The following NLGN1 variants were observed in gnomAD, a reference collection of about 807,000 sequenced individuals.
The protein encoded by NLGN1 is neuroligin-1.
In NLGN1, 12 loss-of-function variants were observed where a neutral mutation model predicts 65.5. The ratio of observed to expected loss-of-function variants is 0.18; its 90% CI spans 0.12 to 0.30. The LOEUF (loss-of-function observed/expected upper bound fraction) is 0.30. NLGN1 is among the 10% of genes least tolerant of loss of function. NLGN1 has a pLI of 1.00. For synonymous variants in NLGN1, 350 were observed against 359.5 expected (o/e 0.97, Z 0.30); for missense variants, 750 against 1,007.1 (o/e 0.74, Z 3.46).
intron 4 of NLGN1, among the ~76,000 whole-genome samples, chr3:174,074,830 G>A (rs988383861): frequency 6.6e-6 from 1 of 152,152 alleles, no homozygotes; most frequent in Admixed American, 6.6e-5. Context: ...AAGTTAAGCA[G>A]TCCGTTACAC....
At chr3:174,043,811 GCAGTGTCC>G (rs1454741661) in intron 4 of NLGN1, among the ~76,000 whole-genome samples, 1 of 152,220 alleles carries the variant, frequency 6.6e-6, no homozygotes, top group Non-Finnish European at 1.5e-5. Flanking sequence ...GCTGCAGTAG[GCAGTGTCC>G]CCAGTGGGGA....
At chr3:173,458,032 A>G (rs1408223359) in intron 2 of NLGN1, among the ~76,000 whole-genome samples, 2 of 152,042 alleles carry the variant, frequency 1.3e-5, no homozygotes, top group African/African-American at 4.8e-5. Flanking sequence ...ACAGAGATGA[A>G]TTAAGGCCTG....
chr3:174,280,708 C>A lies in NLGN1; in HGVS notation c.1877C>A (p.Thr626Lys). ...GACATTTCTCAGTATACCTCTACAACAACTAAAGTGCCATCAACTGACATC... is the reference window on the plus strand; with the variant it reads ...GACATTTCTCAGTATACCTCTACAAAAACTAAAGTGCCATCAACTGACATC... The change falls in exon 7 of 7, where the codon ACA (threonine) becomes AAA (lysine). Residue 626 changes from threonine (T) to lysine (K), a missense_variant. By Grantham distance (78) the Thr-to-Lys change is moderately conservative. Coordinates refer to ENST00000457714, the Ensembl canonical transcript of NLGN1. The surrounding 1 kb of genome is among the most constrained non-coding windows in gnomAD (Gnocchi z 4.9). 1 of 1,613,362 alleles carries A rather than the reference C, an allele frequency of 6.2e-7. No individual in the cohort carries two copies.
At chr3:173,558,977 T>A (rs2149288898) in intron 2 of NLGN1, among the ~76,000 whole-genome samples, 1 of 152,246 alleles carries the variant, frequency 6.6e-6, no homozygotes, top group East Asian at 1.9e-4. Flanking sequence ...CGGTCAGAAT[T>A]TTTTTGGTTG....
At chr3:173,629,035 A>G (rs1755256371) in intron 3 of NLGN1, among the ~76,000 whole-genome samples, 1 of 151,986 alleles carries the variant, frequency 6.6e-6, no homozygotes, top group African/African-American at 2.4e-5. Flanking sequence ...ATTATGTAGC[A>G]TTATACAAAT....
At chr3:174,124,653 TTA>T (rs1270552594) in intron 4 of NLGN1, among the ~76,000 whole-genome samples, 1 of 147,356 alleles carries the variant, frequency 6.8e-6, no homozygotes, top group Non-Finnish European at 1.5e-5. Flanking sequence ...AAGTACATAC[TTA>T]TATATATGTA....
intron 4 of NLGN1, among the ~76,000 whole-genome samples, chr3:173,881,273 A>G (rs1310155289): frequency 1.3e-5 from 2 of 148,454 alleles, no homozygotes; most frequent in African/African-American, 2.5e-5. Context: ...TAATTTTTGT[A>G]TTTTTGCTAG....
chr3:173,495,837 G>T (rs531021331), intron 2 of NLGN1, among the ~76,000 whole-genome samples: 1 of 151,482 alleles, frequency 6.6e-6, no homozygotes, highest in African/African-American at 2.4e-5. Context: ...CCCAGTCTCT[G>T]CTTCTGTCTC....
At chr3:173,568,283 G>T (rs1343310170) in intron 2 of NLGN1, among the ~76,000 whole-genome samples, 5 of 144,656 alleles carry the variant, frequency 3.5e-5, no homozygotes, top group Admixed American at 7.2e-5. Flanking sequence ...TTACTCTGTT[G>T]CCCAGGCTGG....
chr3:173,611,157 T>G (rs1752225814), intron 3 of NLGN1, among the ~76,000 whole-genome samples: 1 of 152,006 alleles, frequency 6.6e-6, no homozygotes, highest in South Asian at 2.1e-4. Context: ...TTCAATTGTT[T>G]GATGTGTAAT....
chr3:173,747,230 TATATATATCTTTAAGTATATATATTTAA>T lies in NLGN1; in HGVS notation c.494-60441_494-60414del, dbSNP rs1366082570. Among the ~76,000 whole-genome samples the T allele has an allele frequency of 2.1e-5, 3 of 146,300 alleles. No individual in the cohort carries two copies. The East Asian group carries it at 5.9e-4, about 29-fold the overall frequency. On this transcript the variant is annotated intron_variant, in intron 3 of 6. Transcript: ENST00000457714. The stretch of plus-strand genomic sequence containing the variant: ...ATATCTTTAAGTATATATATTTAAA[TATATATATCTTTAAGTATATATATTTAA>T]ATATATATATCTTTAAGTATATATA...
intron 2 of NLGN1, among the ~76,000 whole-genome samples, chr3:173,582,502 G>A (rs1746551943): frequency 6.6e-6 from 1 of 151,770 alleles, no homozygotes; most frequent in South Asian, 2.1e-4. Flanking sequence ...TTCATGACTG[G>A]GAAACAAAAA....
chr3:174,289,957 A>ATATATATG (rs1553995107), downstream of NLGN1, among the ~76,000 whole-genome samples: 27 of 41,548 alleles, frequency 6.5e-4, no homozygotes, highest in Non-Finnish European at 1.3e-3. Flanking sequence ...ATATATGTGT[A>ATATATATG]TATATATATA....
At position 173,434,102 on chromosome 3, in the gene NLGN1, C is replaced by A. The variant is rs191933999; in HGVS notation, c.-389-908C>A. Among the ~76,000 whole-genome samples, 9 of 152,120 alleles carry A rather than the reference C, an allele frequency of 5.9e-5. No individual in the cohort carries two copies. In the East Asian group the frequency reaches 1.7e-3, roughly 29 times the overall value. ...TCTAGAATCGACTTTAATCCAAAAT[C>A]CTTAACTAGAAAGTGGGGGTCAGGA... On this transcript the variant is annotated intron_variant, in intron 1 of 6. Transcript: ENST00000457714.
In NLGN1 at chr3:174,279,319, T is replaced by G; in HGVS notation, c.1318T>G (p.Tyr440Asp). ...TTTGAGAGAAACCATTAAGTTCATG[T>G]ATACTGACTGGGCTGACCGTCATAA... The change falls in exon 6 of 7, where the codon TAT becomes GAT. Residue 440 changes from tyrosine (Y) to aspartate (D), a missense_variant. By Grantham distance (160) the Tyr-to-Asp change is radical. Transcript: ENST00000457714. The surrounding 1 kb of genome is among the most constrained non-coding windows in gnomAD (Gnocchi z 4.7). The G allele has an allele frequency of 6.2e-7, 1 of 1,613,448 alleles. No homozygotes were observed. The highest frequency in any genetic ancestry group is 8.5e-7 in the Non-Finnish European group (1 of 1,179,570).
At chr3:173,897,912 G>T (rs1736617307) in intron 4 of NLGN1, among the ~76,000 whole-genome samples, 1 of 152,004 alleles carries the variant, frequency 6.6e-6, no homozygotes, top group South Asian at 2.1e-4. Context: ...AATCAGATTT[G>T]CATTTGTAAA....
chr3:174,010,977 C>T (rs531213061), intron 4 of NLGN1, among the ~76,000 whole-genome samples: 1 of 152,214 alleles, frequency 6.6e-6, no homozygotes, highest in Non-Finnish European at 1.5e-5. Flanking sequence ...GAGCATCTCT[C>T]CTATAATTTG....
chr3:173,905,392 A>G (rs1216151501), intron 4 of NLGN1, among the ~76,000 whole-genome samples: 1 of 152,054 alleles, frequency 6.6e-6, no homozygotes, highest in Admixed American at 6.5e-5. Context: ...TTAAAGCAAT[A>G]CGTTAAGAAA....
At chr3:174,214,780 A>C (rs529387818) in intron 4 of NLGN1, among the ~76,000 whole-genome samples, 92 of 152,296 alleles carry the variant, frequency 6.0e-4, no homozygotes, top group African/African-American at 2.2e-3. Flanking sequence ...ATTGGTGGTC[A>C]TCAGGGACCC....
Sources: allele counts gnomAD v4.1 joint callset (sites outside exome capture counted in the v4.1 genomes callset), GRCh38; gene constraint gnomAD v4.1.1; non-coding constraint Gnocchi (gnomAD v3.1); transcripts MANE v1.5; gene names NCBI Gene and HGNC (gene_info 2026-07-23, HGNC 2026-07-21).